RHOT1: variants seen among roughly 807,000 people sequenced by gnomAD.
The protein encoded by RHOT1 is mitochondrial Rho GTPase 1.
Under a neutral mutation model 95.3 loss-of-function variants are expected in RHOT1, and 27 were observed. That is an observed-to-expected ratio of 0.28 (90% CI 0.21 to 0.39). The LOEUF (loss-of-function observed/expected upper bound fraction) is 0.39, where lower values mean the gene tolerates loss of function less well. Among genes scored for constraint, RHOT1 ranks in the 10% least tolerant of loss-of-function variants. RHOT1 has a pLI of 1.00. For synonymous variants in RHOT1, 227 were observed against 263.5 expected (o/e 0.86, Z 1.34); for missense variants, 578 against 786.7 (o/e 0.73, Z 3.17).
intron 19 of RHOT1, among the ~76,000 whole-genome samples, chr17:32,212,448 C>T (rs2142916462): frequency 6.6e-6 from 1 of 152,308 alleles, no homozygotes; most frequent in South Asian, 2.1e-4. Flanking sequence ...AAAGTAGTAA[C>T]ATAGACAGAT....
chr17:32,180,605 C>G (rs149599989), intron 6 of RHOT1, among the ~76,000 whole-genome samples: 5,417 of 148,656 alleles, frequency 0.036, 357 homozygotes, highest in African/African-American at 0.13. Context: ...ATCCCCCTCT[C>G]CGAGAAACAC....
intron 1 of RHOT1, among the ~76,000 whole-genome samples, chr17:32,153,138 GT>G (rs900409753): frequency 2.0e-5 from 3 of 151,644 alleles, no homozygotes; most frequent in African/African-American, 4.8e-5. Flanking sequence ...TAAAAGGTAG[GT>G]TTTTTTTTCT....
intron 1 of RHOT1, among the ~76,000 whole-genome samples, chr17:32,157,474 G>A (rs1425129547): frequency 6.6e-6 from 1 of 152,204 alleles, no homozygotes; most frequent in Non-Finnish European, 1.5e-5. Flanking sequence ...CTGGTGATAT[G>A]TTGGAAGGTT....
chr17:32,197,237 C>G (rs12948310), intron 11 of RHOT1, among the ~76,000 whole-genome samples: 1 of 149,816 alleles, frequency 6.7e-6, no homozygotes, highest in South Asian at 2.1e-4. Context: ...AGTACATTTG[C>G]TTTTTTTTTG....
At position 32,193,938 on chromosome 17, in the gene RHOT1, TCTC is replaced by T. The variant is rs773145258; in HGVS notation, c.749-46_749-44del. 2.5e-5 allele frequency: 40 copies of T among 1,591,304 alleles called. No homozygotes were observed. The East Asian group carries it at 8.5e-4, about 34-fold the overall frequency. On this transcript the variant is annotated intron_variant, in intron 10 of 19. Coordinates refer to ENST00000545287, the MANE Select transcript of RHOT1 (RefSeq NM_001033566.3). ...TTCTTGCCATTATGTTACATGCTTT[TCTC>T]CTATGTGACTCTGTACACTTTATTT...
At position 32,151,532 on chromosome 17, in the gene RHOT1, C is replaced by T. The variant is rs552843602; in HGVS notation, c.37+8803C>T. ...GGTTTCTGAAATCTGTCATGAATCC[C>T]CTTAGACCATTTTCAGTCCTGCGCG... On this transcript the variant is annotated intron_variant, in intron 1 of 19. Transcript: ENST00000545287. 5.7e-6 allele frequency: 3 copies of T among 527,188 alleles called. No homozygotes were observed. The South Asian group carries it at 6.0e-5, about 11-fold the overall frequency. 32.7% of individuals were successfully genotyped at this position (527,188 alleles called of 1,614,324 possible).
chr17:32,171,165 T>C, intron 2 of RHOT1, 64 bp downstream of exon 2: 2 of 1,122,564 alleles, frequency 1.8e-6, no homozygotes, highest in Non-Finnish European at 1.3e-6. Context: ...TAAAATGAAC[T>C]GAATTCTGTC....
chr17:32,197,007 C>T (rs1031745111), intron 11 of RHOT1, among the ~76,000 whole-genome samples: 8 of 151,806 alleles, frequency 5.3e-5, no homozygotes, highest in African/African-American at 1.4e-4. Flanking sequence ...CCTGTAATCC[C>T]AGCTATTCGG....
At chr17:32,163,742 A>T (rs1248528461) in intron 1 of RHOT1, among the ~76,000 whole-genome samples, 1 of 151,830 alleles carries the variant, frequency 6.6e-6, no homozygotes, top group Non-Finnish European at 1.5e-5. Context: ...AAAAAAAGAA[A>T]GGGAAAAAAA....
intron 19 of RHOT1, among the ~76,000 whole-genome samples, chr17:32,223,677 G>T (rs930381536): frequency 6.6e-6 from 1 of 152,048 alleles, no homozygotes; most frequent in Non-Finnish European, 1.5e-5. Flanking sequence ...AGCCTCCGAA[G>T]TGCTGGGATT....
chr17:32,202,804 A>T lies in RHOT1; in HGVS notation c.1236A>T (p.Lys412Asn), dbSNP rs1371518108. 3.1e-6 allele frequency: 5 copies of T among 1,606,548 alleles called. No homozygotes were observed. Among genetic ancestry groups the T allele is most frequent in the Non-Finnish European group, 3.4e-6 (4 of 1,175,390 alleles). The change falls in exon 15 of 20, where the codon AAA becomes AAT. Residue 412 changes from lysine (K) to asparagine (N), a missense_variant. Lys to Asn is a moderately conservative substitution (Grantham distance 94). Around this residue, in one of 4 missense-constraint regions of RHOT1, gnomAD observed 296 missense variants for 338.5 expected, o/e 0.87. Transcript: ENST00000545287. ...TRDKKIDLQKKQTQRNVFRCN... is the reference protein window; with the variant it reads ...TRDKKIDLQKNQTQRNVFRCN... ...ATAAAAAGATAGACCTGCAGAAAAAACAAACTCAAAGAAATGTGTTCAGAT... is the reference window on the plus strand; with the variant it reads ...ATAAAAAGATAGACCTGCAGAAAAATCAAACTCAAAGAAATGTGTTCAGAT...
chr17:32,217,343 T>C (rs1254754670), intron 19 of RHOT1, among the ~76,000 whole-genome samples: 1 of 152,250 alleles, frequency 6.6e-6, no homozygotes, highest in Non-Finnish European at 1.5e-5. Context: ...ATATTTATCC[T>C]AATATATGTT....
At chr17:32,164,262 T>C (rs887045728) in intron 1 of RHOT1, among the ~76,000 whole-genome samples, 3 of 151,880 alleles carry the variant, frequency 2.0e-5, no homozygotes, top group African/African-American at 7.3e-5. Context: ...TTAGACGGAG[T>C]GTCGCTCCGT....
chr17:32,189,890 G>A (rs908615145), intron 8 of RHOT1, among the ~76,000 whole-genome samples: 2 of 151,740 alleles, frequency 1.3e-5, no homozygotes, highest in Non-Finnish European at 2.9e-5. Context: ...GCACCACCAT[G>A]CCTGGCTAAT....
In RHOT1 at chr17:32,224,974, T is replaced by C; in HGVS notation, c.*241T>C. Reference sequence around the variant, plus strand: ...ATTCCAGAGGCCAAAAGGGAATATTTTGTAAATATATGTACATATTCAGGC... The same window carrying C: ...ATTCCAGAGGCCAAAAGGGAATATTCTGTAAATATATGTACATATTCAGGC... On this transcript the variant is annotated 3_prime_UTR_variant, in exon 20 of 20. Transcript: ENST00000545287. 6.5e-6 allele frequency: 2 copies of C among 306,746 alleles called. No individual in the cohort carries two copies. Among genetic ancestry groups the C allele is most frequent in the Non-Finnish European group, 6.3e-6 (1 of 159,930 alleles). 19.0% of individuals were successfully genotyped at this position (306,746 alleles called of 1,614,324 possible).
intron 18 of RHOT1, chr17:32,208,525 G>A (rs1386549946): frequency 1.8e-6 from 1 of 544,116 alleles, no homozygotes; most frequent in Non-Finnish European, 3.3e-6. Context: ...GTATATTTTT[G>A]AGCAGGCTGT....
intron 6 of RHOT1, among the ~76,000 whole-genome samples, chr17:32,180,332 G>A (rs301347): frequency 0.092 from 13,990 of 152,184 alleles, 874 homozygotes; most frequent in Non-Finnish European, 0.14. Context: ...TCTGCCTTGG[G>A]ATGCTGTTAA....
At chr17:32,216,043 A>G (rs542189180) in intron 19 of RHOT1, among the ~76,000 whole-genome samples, 1 of 152,278 alleles carries the variant, frequency 6.6e-6, no homozygotes, top group South Asian at 2.1e-4. Flanking sequence ...AATTTTAAAT[A>G]TCTTTTAAAT....
intron 6 of RHOT1, chr17:32,179,627 C>T (rs1322778674): frequency 6.6e-6 from 1 of 151,572 alleles, no homozygotes; most frequent in Non-Finnish European, 1.4e-5. Context: ...AGCGCCTCTG[C>T]CCGGCTGCCC....
Sources: allele counts gnomAD v4.1 joint callset (sites outside exome capture counted in the v4.1 genomes callset), GRCh38; gene constraint gnomAD v4.1.1; regional missense constraint gnomAD v4.1.1; transcripts MANE v1.5; gene names NCBI Gene and HGNC (gene_info 2026-07-23, HGNC 2026-07-21).